CLVS1: variants seen among roughly 807,000 people sequenced by gnomAD.
The protein encoded by CLVS1 is clavesin 1.
CLVS1 carries 10 observed loss-of-function variants against 33.1 expected under a neutral mutation model. That is an observed-to-expected ratio of 0.30 (90% CI 0.19 to 0.51). CLVS1 has a LOEUF of 0.51. Among genes scored for constraint, CLVS1 ranks in the 20% least tolerant of loss-of-function variants. CLVS1 has a pLI of 0.97. For missense variants in CLVS1, 343 were observed against 433.4 expected (o/e 0.79, Z 1.85); for synonymous variants, 163 against 166.1 (o/e 0.98, Z 0.14).
chr8:61,108,742 C>A (rs568554607), intron 1 of CLVS1, among the ~76,000 whole-genome samples: 2 of 152,296 alleles, frequency 1.3e-5, no homozygotes, highest in Admixed American at 1.3e-4. Context: ...TTTATATCCC[C>A]CTCTATCTGT....
At chr8:61,326,270 A>G (rs1395063827) in intron 2 of CLVS1, among the ~76,000 whole-genome samples, 1 of 152,152 alleles carries the variant, frequency 6.6e-6, no homozygotes, top group African/African-American at 2.4e-5. Context: ...GTGGTTCATT[A>G]TTTCTCATGA....
At chr8:61,201,449 C>T (rs1807730704) in intron 2 of CLVS1, among the ~76,000 whole-genome samples, 1 of 151,988 alleles carries the variant, frequency 6.6e-6, no homozygotes, top group Admixed American at 6.6e-5. Flanking sequence ...TGATAAAAAA[C>T]AAAAACAAAA....
At chr8:61,172,433 ACTTTT>A (rs765834419) in intron 2 of CLVS1, among the ~76,000 whole-genome samples, 2 of 152,162 alleles carry the variant, frequency 1.3e-5, no homozygotes, top group Non-Finnish European at 2.9e-5. Flanking sequence ...TCTCTTTCTC[ACTTTT>A]CTTTCTCTTT....
intron 2 of CLVS1, among the ~76,000 whole-genome samples, chr8:61,227,801 G>A (rs1351083285): frequency 6.6e-6 from 1 of 152,204 alleles, no homozygotes; most frequent in Non-Finnish European, 1.5e-5. Context: ...GTGCCCAGTA[G>A]GGTGATGTGA....
upstream of CLVS1, among the ~76,000 whole-genome samples, chr8:61,285,595 G>A (rs1165313723): frequency 1.3e-5 from 2 of 152,242 alleles, no homozygotes; most frequent in East Asian, 3.9e-4. Flanking sequence ...CTCGCTCCTG[G>A]CACGCCCAAC....
intron 5 of CLVS1, among the ~76,000 whole-genome samples, chr8:61,486,782 G>A (rs553179518): frequency 6.6e-6 from 1 of 152,196 alleles, no homozygotes; most frequent in East Asian, 1.9e-4. Flanking sequence ...CTGCCACCCT[G>A]ATTCATTTGC....
chr8:61,239,118 C>G (rs74716640), intron 2 of CLVS1, among the ~76,000 whole-genome samples: 1 of 152,136 alleles, frequency 6.6e-6, no homozygotes, highest in Non-Finnish European at 1.5e-5. Flanking sequence ...AAAACTATAC[C>G]TTTTTAAATA....
chr8:61,311,569 C>T (rs1810834580), intron 2 of CLVS1, among the ~76,000 whole-genome samples: 1 of 152,184 alleles, frequency 6.6e-6, no homozygotes, highest in South Asian at 2.1e-4. Flanking sequence ...AGGAAGATGT[C>T]AGCCATTACA....
chr8:61,020,225 G>A, the CLVS1 span, among the ~76,000 whole-genome samples: 4 of 152,200 alleles, frequency 2.6e-5, no homozygotes, highest in African/African-American at 7.2e-5. Flanking sequence ...TGGGGGAAAC[G>A]AAAGAGAGAA....
intron 3 of CLVS1, among the ~76,000 whole-genome samples, chr8:61,396,251 TC>T (rs1401861638): frequency 2.0e-5 from 3 of 152,208 alleles, no homozygotes; most frequent in African/African-American, 7.2e-5. Flanking sequence ...TTCATATTCC[TC>T]TTTCTAAAAA....
intron 2 of CLVS1, among the ~76,000 whole-genome samples, chr8:61,215,401 G>A (rs1808061850): frequency 6.6e-6 from 1 of 152,168 alleles, no homozygotes. Flanking sequence ...CAAGAGGTGA[G>A]TAATTGTACT....
chr8:61,313,289 A>G (rs1810901749), intron 2 of CLVS1, among the ~76,000 whole-genome samples: 1 of 152,128 alleles, frequency 6.6e-6, no homozygotes, highest in Non-Finnish European at 1.5e-5. Flanking sequence ...CACACCATGT[A>G]AGGGTCTAGA....
chr8:61,413,559 C>T (rs114987327), intron 3 of CLVS1, among the ~76,000 whole-genome samples: 103 of 152,244 alleles, frequency 6.8e-4, no homozygotes, highest in African/African-American at 2.4e-3. Context: ...TGGTGGCAGG[C>T]CGGGCAGAAA....
chr8:61,248,754 A>G (rs887868095), intron 2 of CLVS1, among the ~76,000 whole-genome samples: 2 of 152,072 alleles, frequency 1.3e-5, no homozygotes, highest in Admixed American at 6.6e-5. Context: ...ACACCTTCAT[A>G]TTGTGCCTCT....
chr8:61,472,062 T>C (rs1303614123), intron 5 of CLVS1, among the ~76,000 whole-genome samples: 1 of 152,304 alleles, frequency 6.6e-6, no homozygotes, highest in East Asian at 1.9e-4. Flanking sequence ...TCCTCATTCA[T>C]TGGGTGCAGT....
In CLVS1 at chr8:61,258,369, A is replaced by G. The variant is rs543171114; in HGVS notation, c.-151-41308A>G. Among the ~76,000 whole-genome samples, 4 of 152,344 alleles carry G rather than the reference A, an allele frequency of 2.6e-5. No homozygotes were observed. The East Asian group carries it at 7.7e-4, about 29-fold the overall frequency. ...ATTTTAAAAGATTATTTTTTATTCT[A>G]TGTCCCAGAGAGTGCAAAGCAGTGC... On this transcript the variant is annotated intron_variant, in intron 2 of 2. Transcript: ENST00000522621.
chr8:61,468,021 G>A (rs1196913004), intron 5 of CLVS1, among the ~76,000 whole-genome samples: 3 of 152,166 alleles, frequency 2.0e-5, no homozygotes, highest in Non-Finnish European at 4.4e-5. Context: ...TTAATTCACA[G>A]AATTATCCTA....
At chr8:61,386,287 AG>A (rs1353006986) in intron 3 of CLVS1, among the ~76,000 whole-genome samples, 1 of 152,248 alleles carries the variant, frequency 6.6e-6, no homozygotes. Flanking sequence ...ATGATGCTGT[AG>A]GTGGCTGAAG....
chr8:61,294,236 G>A (rs1028218815), intron 1 of CLVS1, among the ~76,000 whole-genome samples: 1 of 152,086 alleles, frequency 6.6e-6, no homozygotes, highest in Non-Finnish European at 1.5e-5. Flanking sequence ...TGGACAAAAC[G>A]TGGGTAAAGT....
Sources: gnomAD v4.1 joint callset for allele counts (sites outside exome capture counted in the v4.1 genomes callset) on GRCh38, gnomAD v4.1.1 for gene constraint, MANE v1.5 for transcripts, NCBI Gene and HGNC (gene_info 2026-07-23, HGNC 2026-07-21) for gene names.